The following COL19A1 variants were observed in gnomAD, a reference collection of about 807,000 sequenced individuals.
COL19A1 encodes the protein collagen type XIX alpha 1 chain, also known as collagen alpha-1(XIX) chain.
In COL19A1, 159 loss-of-function variants were observed where a neutral mutation model predicts 190.2. The ratio of observed to expected loss-of-function variants is 0.84; its 90% CI spans 0.73 to 0.95. The LOEUF (loss-of-function observed/expected upper bound fraction) is 0.95, where lower values mean the gene tolerates loss of function less well. COL19A1 is among the 40% of genes least tolerant of loss of function. COL19A1 has a pLI of 0.00. For missense variants in COL19A1, 1,418 were observed against 1,431.9 expected, an observed-to-expected ratio of 0.99 and a Z score of 0.16; for synonymous variants, 509 against 458.9, an observed-to-expected ratio of 1.11 and a Z score of -1.39.
In COL19A1 at chr6:70,081,669, G is replaced by A. The variant is rs375475196; in HGVS notation, c.1224+13193G>A. ...TTTGTAAAGATTAATATGTTAATTT[G>A]GAGATTATTTTATTTTGAGATAATG... On this transcript the variant is annotated intron_variant, in intron 15 of 50. Transcript: ENST00000620364. 3.3e-5 allele frequency among the ~76,000 whole-genome samples: 5 copies of A among 152,226 alleles called. No individual in the cohort carries two copies. The East Asian group carries it at 9.6e-4, about 29-fold the overall frequency.
At chr6:70,084,640 C>G (rs1225038247) in intron 15 of COL19A1, among the ~76,000 whole-genome samples, 1 of 152,162 alleles carries the variant, frequency 6.6e-6, no homozygotes, top group East Asian at 1.9e-4. Context: ...CTACTAATCA[C>G]TTTGATTTTC....
At chr6:69,886,600 A>G (rs561467212) in intron 2 of COL19A1, among the ~76,000 whole-genome samples, 130 of 151,648 alleles carry the variant, frequency 8.6e-4, no homozygotes, top group Non-Finnish European at 1.6e-3. Context: ...TGGATGGATG[A>G]ATGGAAAAAG....
At chr6:69,997,014 C>CAT (rs370136850) in intron 11 of COL19A1, among the ~76,000 whole-genome samples, 73,862 of 142,232 alleles carry the variant, frequency 0.52, 19,379 homozygotes, top group East Asian at 0.65. Flanking sequence ...TTTATATATA[C>CAT]ATATATATAT....
chr6:70,165,796 C>T, intron 36 of COL19A1, 145 bp from the exon 37 acceptor site: 2 of 750,758 alleles, frequency 2.7e-6, no homozygotes, highest in Non-Finnish European at 4.6e-6. Context: ...AAAGGAGAGC[C>T]CAGCTGAATA....
At chr6:70,138,264 A>G (rs1785996870) in intron 19 of COL19A1, among the ~76,000 whole-genome samples, 3 of 152,134 alleles carry the variant, frequency 2.0e-5, no homozygotes, top group African/African-American at 4.8e-5. Flanking sequence ...TGATTTTTGT[A>G]TGATCAAAGT....
intron 14 of COL19A1, among the ~76,000 whole-genome samples, chr6:70,048,529 G>T (rs1276050948): frequency 6.6e-6 from 1 of 151,968 alleles, no homozygotes; most frequent in Non-Finnish European, 1.5e-5. Context: ...GCAACCAATT[G>T]GTTAAAGTTG....
rs778851858 is a variant in COL19A1, at chr6:70,156,664, T to G, written c.2239-6T>G. 13 of 1,611,430 alleles carry G rather than the reference T, an allele frequency of 8.1e-6. No individual in the cohort carries two copies. In the East Asian group the frequency reaches 2.7e-4, roughly 33 times the overall value. ...CATGTGCTAGCTGAATGTATTGTCT[T>G]TTTAGGGAAGCAAAGGAGAGCGGGG... On this transcript the variant is annotated splice_region_variant and splice_polypyrimidine_tract_variant and intron_variant, in intron 33 of 50. Transcript: ENST00000620364.
intron 2 of COL19A1, among the ~76,000 whole-genome samples, chr6:69,897,582 C>A (rs1470656601): frequency 6.6e-6 from 1 of 152,028 alleles, no homozygotes; most frequent in Non-Finnish European, 1.5e-5. Context: ...GCATTCTAAG[C>A]ATTTTGTTTA....
At chr6:70,089,286 T>A (rs924092771) in intron 15 of COL19A1, among the ~76,000 whole-genome samples, 2 of 152,172 alleles carry the variant, frequency 1.3e-5, no homozygotes, top group Non-Finnish European at 2.9e-5. Flanking sequence ...TGATCCAAGA[T>A]AAGGGCTTTT....
At chr6:69,934,682 C>A (rs1772988708) in intron 7 of COL19A1, among the ~76,000 whole-genome samples, 1 of 151,794 alleles carries the variant, frequency 6.6e-6, no homozygotes, top group African/African-American at 2.4e-5. Flanking sequence ...AAGAATAGAA[C>A]ACAAGGTAGG....
chr6:70,156,911 G>A (rs995236421), intron 34 of COL19A1, among the ~76,000 whole-genome samples, 188 bp downstream of exon 34: 6 of 151,942 alleles, frequency 3.9e-5, no homozygotes, highest in African/African-American at 9.7e-5. Flanking sequence ...CCAAGGGTCC[G>A]GTTTTAGAGA....
intron 2 of COL19A1, among the ~76,000 whole-genome samples, chr6:69,884,714 T>G (rs1309976663): frequency 6.6e-6 from 1 of 152,186 alleles, no homozygotes; most frequent in Non-Finnish European, 1.5e-5. Flanking sequence ...CTTGGATGAC[T>G]ATGTTCTTAG....
At chr6:70,206,335 A>G (rs1323382352) in intron 49 of COL19A1, among the ~76,000 whole-genome samples, 1 of 152,204 alleles carries the variant, frequency 6.6e-6, no homozygotes, top group Non-Finnish European at 1.5e-5. Flanking sequence ...TATCAAGAGT[A>G]TAACTAGTTG....
intron 14 of COL19A1, among the ~76,000 whole-genome samples, chr6:70,054,155 G>A (rs1780364934): frequency 6.6e-6 from 1 of 152,156 alleles, no homozygotes; most frequent in Middle Eastern, 3.2e-3. Context: ...TTCGAGACCA[G>A]CCTGGTTAAC....
intron 14 of COL19A1, among the ~76,000 whole-genome samples, chr6:70,057,651 A>G (rs981378266): frequency 2.0e-5 from 3 of 152,082 alleles, no homozygotes; most frequent in Non-Finnish European, 4.4e-5. Flanking sequence ...GAGATAAATT[A>G]AGGAACGCAG....
chr6:69,963,967 T>C (rs1184893542), intron 11 of COL19A1, among the ~76,000 whole-genome samples: 4 of 152,348 alleles, frequency 2.6e-5, no homozygotes, highest in African/African-American at 9.6e-5. Flanking sequence ...CATTTCAAAA[T>C]TCTTGTTTTG....
In COL19A1 at chr6:70,010,528, C is replaced by T. The variant is rs753393763; in HGVS notation, c.1027-13099C>T. Among the ~76,000 whole-genome samples, 8 of 141,970 alleles carry T rather than the reference C, an allele frequency of 5.6e-5. 2 individuals carry two copies. The highest frequency in any genetic ancestry group is 1.2e-4 in the Non-Finnish European group (8 of 66,870). 93.1% of individuals were successfully genotyped at this position (141,970 alleles called of 152,430 possible). ...GCACCGTGCGCGAGCGGAAGCAGGG[C>T]GAGGCATTGCCTCACCTGGGAAGCG... On this transcript the variant is annotated intron_variant, in intron 11 of 50. Coordinates refer to ENST00000620364, the MANE Select transcript of COL19A1 (RefSeq NM_001858.6).
At chr6:70,149,970 A>G in intron 29 of COL19A1, 22 bp from the exon 30 acceptor site, 2 of 1,613,794 alleles carry the variant, frequency 1.2e-6, no homozygotes, top group Non-Finnish European at 1.7e-6. Flanking sequence ...CAAAGATTGA[A>G]CATGGATACC....
At chr6:70,037,927 A>G (rs536377271) in intron 14 of COL19A1, among the ~76,000 whole-genome samples, 64 of 152,332 alleles carry the variant, frequency 4.2e-4, no homozygotes, top group African/African-American at 1.4e-3. Flanking sequence ...GAAATGTTTT[A>G]TTTCATAAAG....
Sources: gnomAD v4.1 joint callset for allele counts (sites outside exome capture counted in the v4.1 genomes callset) on GRCh38, gnomAD v4.1.1 for gene constraint, MANE v1.5 for transcripts, NCBI Gene and HGNC (gene_info 2026-07-23, HGNC 2026-07-21) for gene names.